Variants in ANKRD13A observed in about 807,000 individuals in gnomAD.
ANKRD13A encodes ankyrin repeat domain 13A, also known as ankyrin repeat domain-containing protein 13A.
A neutral mutation model predicts 81.3 loss-of-function variants in ANKRD13A; 48 were observed. That is an observed-to-expected ratio of 0.59 (90% CI 0.47 to 0.75). The LOEUF (loss-of-function observed/expected upper bound fraction) is 0.75. ANKRD13A is among the 30% of genes least tolerant of loss of function. The pLI, the probability that ANKRD13A is intolerant of heterozygous loss-of-function variation, is 0.00. For missense variants in ANKRD13A, 612 were observed against 734.0 expected (o/e 0.83, Z 1.92); for synonymous variants, 230 against 270.1 (o/e 0.85, Z 1.45).
At position 110,037,588 on chromosome 12, in the gene ANKRD13A, AG is replaced by A; in HGVS notation, c.*36del. 6.3e-7 allele frequency: 1 copy of A among 1,595,986 alleles called. No individual in the cohort carries two copies. The highest frequency in any genetic ancestry group is 8.5e-7 in the Non-Finnish European group (1 of 1,171,574). ...GCCTGTGAGCCTCTGCACAAAGCAG[AG>A]GCTGTGGGCTGTCACAGATGCTGTG... On this transcript the variant is annotated 3_prime_UTR_variant, in exon 15 of 15. Transcript: ENST00000261739.
At chr12:110,020,488 T>G (rs969530640) in intron 6 of ANKRD13A, among the ~76,000 whole-genome samples, 3 of 152,258 alleles carry the variant, frequency 2.0e-5, no homozygotes, top group African/African-American at 7.2e-5. Context: ...TGTCCAGGGC[T>G]GCTGCTAGGG....
chr12:110,024,194 T>G, intron 7 of ANKRD13A, 82 bp downstream of exon 7: 1 of 1,238,354 alleles, frequency 8.1e-7, no homozygotes, highest in Non-Finnish European at 1.1e-6. Flanking sequence ...ATTTTTTTCA[T>G]GCATCTGTGC....
chr12:110,010,802 G>A (rs1890479315), intron 1 of ANKRD13A, among the ~76,000 whole-genome samples: 1 of 152,198 alleles, frequency 6.6e-6, no homozygotes, highest in Non-Finnish European at 1.5e-5. Flanking sequence ...GGATTGTGGT[G>A]GTTTACCCAT....
chr12:110,027,755 G>T lies in ANKRD13A; in HGVS notation c.934G>T (p.Gly312Cys), dbSNP rs1555248274. ...GCTGGGAACTGTGGAACACCAATTT[G>T]GTGCACAAGGGGTAAGTTGAAGCAA... ...SLLGTVEHQFGAQGDLTTECA... is the reference protein window; with the variant it reads ...SLLGTVEHQFCAQGDLTTECA... The change falls in exon 9 of 15, where the codon GGT becomes TGT. Residue 312 changes from glycine (G) to cysteine (C), a missense_variant. Transcript: ENST00000261739. 6.2e-7 allele frequency: 1 copy of T among 1,614,104 alleles called. No homozygotes were observed. Among genetic ancestry groups the T allele is most frequent in the South Asian group, 1.1e-5 (1 of 91,082 alleles).
intron 4 of ANKRD13A, 54 bp downstream of exon 4, chr12:110,016,487 C>A: frequency 6.8e-7 from 1 of 1,468,350 alleles, no homozygotes; most frequent in Non-Finnish European, 9.2e-7. Context: ...ACTTAGCCCG[C>A]ATGTAGGTTT....
At chr12:110,020,621 C>T (rs1468006077) in intron 6 of ANKRD13A, among the ~76,000 whole-genome samples, 1 of 152,190 alleles carries the variant, frequency 6.6e-6, no homozygotes, top group African/African-American at 2.4e-5. Flanking sequence ...ACTGGCTTTC[C>T]CTGGGAGGGC....
intron 1 of ANKRD13A, 109 bp from the exon 2 acceptor site, chr12:110,011,896 A>C: frequency 9.2e-7 from 1 of 1,086,042 alleles, no homozygotes; most frequent in Non-Finnish European, 1.3e-6. Context: ...TGCTCTAATT[A>C]ATGCATAAAT....
intron 3 of ANKRD13A, among the ~76,000 whole-genome samples, 175 bp downstream of exon 3, chr12:110,013,424 C>A (rs1044094643): frequency 6.6e-6 from 1 of 152,166 alleles, no homozygotes; most frequent in Non-Finnish European, 1.5e-5. Context: ...AATGTGAGTT[C>A]TTTTACAAAT....
In ANKRD13A at chr12:110,026,543, C is replaced by T. The variant is rs1487658705; in HGVS notation, c.883+720C>T. The stretch of plus-strand genomic sequence containing the variant: ...GGTGAGCTGAGATCGTGCCATTGCA[C>T]TCCAGCCTGGACAACAAGAGTGAAA... On this transcript the variant is annotated intron_variant, in intron 8 of 14. Transcript: ENST00000261739. Among the ~76,000 whole-genome samples the T allele has an allele frequency of 2.7e-5, 4 of 148,584 alleles. No homozygotes were observed. In the Admixed American group the frequency reaches 2.7e-4, roughly 10 times the overall value.
chr12:110,024,992 GA>G (rs1355501548), intron 7 of ANKRD13A, among the ~76,000 whole-genome samples: 1 of 152,192 alleles, frequency 6.6e-6, no homozygotes, highest in Non-Finnish European at 1.5e-5. Context: ...TAAGTCTATA[GA>G]GAACCTTGTG....
chr12:110,004,391 G>A (rs1257973144), intron 1 of ANKRD13A, among the ~76,000 whole-genome samples: 8 of 152,208 alleles, frequency 5.3e-5, no homozygotes, highest in Middle Eastern at 3.4e-3. Flanking sequence ...CGAGGTGGGC[G>A]GATCACCTGA....
chr12:110,002,583 T>C (rs1890034047), intron 1 of ANKRD13A, among the ~76,000 whole-genome samples: 2 of 152,116 alleles, frequency 1.3e-5, no homozygotes, highest in African/African-American at 4.8e-5. Flanking sequence ...GCCACTGCAC[T>C]CCAGGCTGGG....
chr12:110,002,475 A>G (rs1890029260), intron 1 of ANKRD13A, among the ~76,000 whole-genome samples: 1 of 151,984 alleles, frequency 6.6e-6, no homozygotes, highest in South Asian at 2.1e-4. Context: ...AAATAGCTGG[A>G]TGTGGTGGCA....
At chr12:110,033,215 G>T (rs1049294859) in intron 12 of ANKRD13A, among the ~76,000 whole-genome samples, 1 of 149,534 alleles carries the variant, frequency 6.7e-6, no homozygotes, top group African/African-American at 2.5e-5. Flanking sequence ...CACCACGCCC[G>T]GCTAATTTTT....
chr12:110,012,290 G>C (rs534389617), intron 2 of ANKRD13A, among the ~76,000 whole-genome samples, 153 bp downstream of exon 2: 1 of 152,222 alleles, frequency 6.6e-6, no homozygotes, highest in East Asian at 1.9e-4. Flanking sequence ...ACCTGAGCCC[G>C]GGGAGGTTGA....
intron 2 of ANKRD13A, among the ~76,000 whole-genome samples, 167 bp from the exon 3 acceptor site, chr12:110,012,958 A>G (rs1333978389): frequency 6.6e-6 from 1 of 152,036 alleles, no homozygotes; most frequent in Non-Finnish European, 1.5e-5. Flanking sequence ...TATGTTTTTT[A>G]CTCAGTGAAG....
intron 13 of ANKRD13A, among the ~76,000 whole-genome samples, chr12:110,034,642 T>C (rs1443385876): frequency 6.6e-6 from 1 of 152,170 alleles, no homozygotes. Context: ...TCTCCCTCCA[T>C]GCCTCACCTA....
chr12:110,017,168 C>G (rs896994038), intron 4 of ANKRD13A, among the ~76,000 whole-genome samples: 4 of 152,168 alleles, frequency 2.6e-5, no homozygotes, highest in African/African-American at 9.7e-5. Flanking sequence ...CCCCAGCCCC[C>G]CAAATTGCTG....
chr12:109,999,788 A>T lies in ANKRD13A; in HGVS notation c.96+4A>T. The T allele has an allele frequency of 6.6e-7, 1 of 1,523,016 alleles. No individual in the cohort carries two copies. 94.3% of individuals were successfully genotyped at this position (1,523,016 alleles called of 1,614,324 possible). A position where few individuals can be genotyped will look rare whatever the true frequency, so the allele number is the denominator to read the frequency against. On this transcript the variant is annotated splice_donor_region_variant and intron_variant, in intron 1 of 14. Transcript: ENST00000261739. The surrounding 1 kb of genome is among the most constrained non-coding windows in gnomAD (Gnocchi z 4.3). ...CGAGAAGGAGCTGCAGGGCCAGGTG[A>T]GGGGCGGGGCGGGGGTCCGTCTCCC...
Sources: gnomAD v4.1 joint callset for allele counts (sites outside exome capture counted in the v4.1 genomes callset) on GRCh38, gnomAD v4.1.1 for gene constraint, Gnocchi (gnomAD v3.1) non-coding constraint, MANE v1.5 for transcripts, NCBI Gene and HGNC (gene_info 2026-07-23, HGNC 2026-07-21) for gene names.